The following PKD1L3 variants were observed in gnomAD, a reference collection of about 807,000 sequenced individuals.
PKD1L3 encodes polycystin 1 like 3, transient receptor potential channel interacting.
PKD1L3 carries 239 observed loss-of-function variants against 184.1 expected under a neutral mutation model. That is an observed-to-expected ratio of 1.30 (90% CI 1.17 to 1.45). PKD1L3 has a LOEUF of 1.45. Among genes scored for constraint, PKD1L3 ranks in the 40% most tolerant of loss-of-function variants. PKD1L3 has a pLI of 0.00. For synonymous variants in PKD1L3, 996 were observed against 778.8 expected (o/e 1.28, Z -4.64); for missense variants, 2,660 against 2,067.2 (o/e 1.29, Z -5.56).
At chr16:71,932,720 ATCCGCTGGCTTC>A (rs763855062) in intron 28 of PKD1L3, among the ~76,000 whole-genome samples, 2,155 of 146,076 alleles carry the variant, frequency 0.015, 21 homozygotes, top group Non-Finnish European at 0.024. Flanking sequence ...CTCAAAAGTG[ATCCGCTGGCTTC>A]GGCTTCCCAA....
At chr16:71,993,806 GCT>G (rs2040684018) in intron 2 of PKD1L3, among the ~76,000 whole-genome samples, 1 of 152,054 alleles carries the variant, frequency 6.6e-6, no homozygotes, top group Non-Finnish European at 1.5e-5. Context: ...GACAATTTTT[GCT>G]CTGTTGCCCA....
chr16:71,975,274 T>A (rs1040172542), intron 11 of PKD1L3, among the ~76,000 whole-genome samples: 8 of 151,280 alleles, frequency 5.3e-5, no homozygotes, highest in African/African-American at 1.9e-4. Context: ...CCCAGGCTAG[T>A]CTCAAATTCC....
At chr16:71,932,205 A>C (rs2037998877) in intron 28 of PKD1L3, among the ~76,000 whole-genome samples, 1 of 152,216 alleles carries the variant, frequency 6.6e-6, no homozygotes, top group South Asian at 2.1e-4. Context: ...GATCATTAGA[A>C]TGATCAACCA....
In PKD1L3 at chr16:71,952,000, G is replaced by A. The variant is rs753184683; in HGVS notation, c.3010-256C>T. On this transcript the variant is annotated intron_variant, in intron 18 of 29. Transcript: ENST00000620267. ...ATCAAACATCAAAGACTAAAGCAAG[G>A]CCAGAGTGGTACCATGCACTCCCAT... is the stretch of plus-strand genomic sequence containing the variant. Among the ~76,000 whole-genome samples, 140 of 152,042 alleles carry A rather than the reference G, an allele frequency of 9.2e-4. 1 individual carries two copies. The highest frequency in any genetic ancestry group is 2.8e-4 in the Non-Finnish European group (19 of 68,022).
Position 71,990,512 on chromosome 16 carries a change from C to T in PKD1L3, c.536-183G>A, listed in dbSNP as rs542451499. Among the ~76,000 whole-genome samples the T allele has an allele frequency of 1.1e-3, 160 of 152,054 alleles. 1 individual carries two copies. Among genetic ancestry groups the T allele is most frequent in the Admixed American group, 2.4e-3 (36 of 15,276 alleles). On this transcript the variant is annotated intron_variant, in intron 3 of 29. Transcript: ENST00000620267. ...CTTTGGGAGGCTGAGGCAGGCAGATCACTTGAGGTCAGGAGTTTGAGACCA... is the reference window on the plus strand; with the variant it reads ...CTTTGGGAGGCTGAGGCAGGCAGATTACTTGAGGTCAGGAGTTTGAGACCA...
At chr16:71,998,225 A>G in intron 2 of PKD1L3, 47 bp downstream of exon 2, 9 of 1,547,926 alleles carry the variant, frequency 5.8e-6, no homozygotes, top group South Asian at 1.2e-5. Flanking sequence ...ATTTAGAATC[A>G]GTTTCTAAAA....
At position 71,969,858 on chromosome 16, in the gene PKD1L3, A is replaced by C. The variant is rs766410938; in HGVS notation, c.2184+17T>G. ...CAAAACATCATGGCAAATCTGTTGA[A>C]ATCAAAGTCTCATTACCTTCTGCAT... On this transcript the variant is annotated intron_variant, in intron 13 of 29. Coordinates refer to ENST00000620267, the MANE Select transcript of PKD1L3 (RefSeq NM_181536.2). 1.2e-5 allele frequency: 19 copies of C among 1,530,462 alleles called. No homozygotes were observed. Among genetic ancestry groups the C allele is most frequent in the African/African-American group, 2.8e-5 (2 of 72,470 alleles). 94.8% of individuals were successfully genotyped at this position (1,530,462 alleles called of 1,614,324 possible). A position where few individuals can be genotyped will look rare whatever the true frequency, so the allele number is the denominator to read the frequency against.
intron 2 of PKD1L3, among the ~76,000 whole-genome samples, chr16:71,994,713 A>G (rs12919469): frequency 0.3 from 45,469 of 151,984 alleles, 8,066 homozygotes; most frequent in South Asian, 0.46. Context: ...TTACAATGTT[A>G]ACAGGCTGGG....
chr16:71,931,543 C>T (rs1030653590), intron 28 of PKD1L3, among the ~76,000 whole-genome samples: 2 of 144,822 alleles, frequency 1.4e-5, no homozygotes, highest in African/African-American at 5.2e-5. Context: ...TGGCTCACTG[C>T]AACCTCCACC....
At chr16:71,937,989 C>A (rs1008790054) in intron 24 of PKD1L3, among the ~76,000 whole-genome samples, 4 of 152,320 alleles carry the variant, frequency 2.6e-5, no homozygotes, top group Non-Finnish European at 2.9e-5. Flanking sequence ...ATGGCCGGGG[C>A]TTTGTGCGCT....
intron 5 of PKD1L3, among the ~76,000 whole-genome samples, chr16:71,985,459 C>CA (rs1157961532): frequency 1.3e-5 from 2 of 152,106 alleles, no homozygotes. Context: ...TTCTGTTGCC[C>CA]AGCCTACAGT....
chr16:71,996,147 G>T lies in PKD1L3; in HGVS notation c.418+2125C>A, dbSNP rs1241711299. Reference sequence around the variant, plus strand: ...AGATGCCTTTATCCAGTTTCCAAGGGTAACATCTTGCAAGGGTAACAACAG... The same window carrying T: ...AGATGCCTTTATCCAGTTTCCAAGGTTAACATCTTGCAAGGGTAACAACAG... On this transcript the variant is annotated intron_variant, in intron 2 of 29. Coordinates refer to ENST00000620267, the MANE Select transcript of PKD1L3 (RefSeq NM_181536.2). Among the ~76,000 whole-genome samples the T allele has an allele frequency of 2.6e-5, 4 of 151,458 alleles. No homozygotes were observed. In the East Asian group the frequency reaches 7.7e-4, roughly 29 times the overall value.
chr16:71,981,503 G>C (rs923315407), intron 7 of PKD1L3, among the ~76,000 whole-genome samples: 3 of 145,430 alleles, frequency 2.1e-5, no homozygotes, highest in Non-Finnish European at 4.5e-5. Context: ...AACCTGTTGA[G>C]TGTTTGCTTT....
chr16:71,932,630 C>T (rs534794592), intron 28 of PKD1L3, among the ~76,000 whole-genome samples: 122 of 152,090 alleles, frequency 8.0e-4, no homozygotes, highest in African/African-American at 2.8e-3. Context: ...TGCACCACCA[C>T]GCCTGGCTAG....
At chr16:71,953,236 T>A (rs1334696951) in intron 17 of PKD1L3, 143 bp from the exon 18 acceptor site, 4 of 708,154 alleles carry the variant, frequency 5.6e-6, no homozygotes, top group Non-Finnish European at 8.9e-6. Context: ...AAAGACCATG[T>A]TGTGTTCCTA....
intron 9 of PKD1L3, among the ~76,000 whole-genome samples, chr16:71,978,701 G>T (rs1227074517): frequency 6.6e-6 from 1 of 151,544 alleles, no homozygotes; most frequent in Non-Finnish European, 1.5e-5. Flanking sequence ...CACCATGCCT[G>T]GCTAATTTTT....
At chr16:71,970,460 A>T (rs895933266) in intron 12 of PKD1L3, among the ~76,000 whole-genome samples, 1 of 152,254 alleles carries the variant, frequency 6.6e-6, no homozygotes, top group African/African-American at 2.4e-5. Context: ...CATACAAATG[A>T]ACAAGTACAT....
intron 11 of PKD1L3, among the ~76,000 whole-genome samples, chr16:71,975,481 A>G (rs944617316): frequency 6.6e-6 from 1 of 152,198 alleles, no homozygotes; most frequent in Non-Finnish European, 1.5e-5. Flanking sequence ...CTCAAATCTA[A>G]GATTAGAAAT....
chr16:71,973,323 C>G lies in PKD1L3; in HGVS notation c.1953+1G>C, dbSNP rs887881051. ...GCCCAAGAAGCGGCTCAGTTTCTTA[C>G]TTGGCATCCGGCGCTGCTCCATGTC... On this transcript the variant is annotated splice_donor_variant, in intron 12 of 29. Coordinates refer to ENST00000620267, the MANE Select transcript of PKD1L3 (RefSeq NM_181536.2). LOFTEE classifies it high-confidence loss of function. 2 of 1,551,468 alleles carry G rather than the reference C, an allele frequency of 1.3e-6. No individual in the cohort carries two copies. Among genetic ancestry groups the G allele is most frequent in the African/African-American group, 1.4e-5 (1 of 73,158 alleles).
Sources: gnomAD v4.1 joint callset for allele counts (sites outside exome capture counted in the v4.1 genomes callset) on GRCh38, gnomAD v4.1.1 for gene constraint, MANE v1.5 for transcripts, NCBI Gene and HGNC (gene_info 2026-07-23, HGNC 2026-07-21) for gene names.